Variants in DIS3L2 observed in about 807,000 individuals in gnomAD.
The protein encoded by DIS3L2 is DIS3 like 3'-5' exoribonuclease 2.
Under a neutral mutation model 97.5 loss-of-function variants are expected in DIS3L2, and 34 were observed. The observed-to-expected ratio is 0.35, with a 90% confidence interval of 0.27 to 0.46. The LOEUF (loss-of-function observed/expected upper bound fraction) is 0.46, where lower values mean the gene tolerates loss of function less well. DIS3L2 is among the 20% of genes least tolerant of loss of function. The pLI is 1.00. For synonymous variants in DIS3L2, 435 were observed against 445.2 expected (o/e 0.98, Z 0.29); for missense variants, 1,038 against 1,146.0 (o/e 0.91, Z 1.36).
At chr2:232,336,212 A>G in intron 20 of DIS3L2, 2 of 1,536,966 alleles carry the variant, frequency 1.3e-6, no homozygotes, top group South Asian at 2.4e-5. Context: ...TTTCACCAAC[A>G]GTGTGCCCTG....
chr2:232,340,860 C>T (rs1347444743), downstream of DIS3L2: 1 of 471,458 alleles, frequency 2.1e-6, no homozygotes, highest in Admixed American at 2.3e-5. Context: ...CGTGCACAGC[C>T]AGGGATTGCC....
chr2:232,032,017 A>G (rs895334997), intron 5 of DIS3L2, among the ~76,000 whole-genome samples: 2 of 152,204 alleles, frequency 1.3e-5, no homozygotes, highest in African/African-American at 4.8e-5. Context: ...TCCTTTGGGT[A>G]TATACACAGT....
chr2:232,315,838 A>G (rs1305648444), intron 14 of DIS3L2, among the ~76,000 whole-genome samples: 1 of 152,128 alleles, frequency 6.6e-6, no homozygotes, highest in East Asian at 1.9e-4. Flanking sequence ...TGAAAGCCCA[A>G]CACAGCAAGG....
At chr2:232,169,466 A>G (rs1025492432) in intron 9 of DIS3L2, among the ~76,000 whole-genome samples, 1 of 152,144 alleles carries the variant, frequency 6.6e-6, no homozygotes, top group Non-Finnish European at 1.5e-5. Context: ...ACAGCAGACA[A>G]TGGCAAGTGC....
chr2:232,246,335 A>G (rs924486933), intron 11 of DIS3L2, among the ~76,000 whole-genome samples: 5 of 152,264 alleles, frequency 3.3e-5, no homozygotes, highest in African/African-American at 1.2e-4. Context: ...AAGGTGTTCC[A>G]GAAAGAGGGA....
chr2:232,283,783 TGGC>T (rs1694356992), intron 13 of DIS3L2, among the ~76,000 whole-genome samples: 1 of 152,056 alleles, frequency 6.6e-6, no homozygotes, highest in African/African-American at 2.4e-5. Flanking sequence ...GAGCTAGGGA[TGGC>T]GGGGGGAGCA....
intron 9 of DIS3L2, among the ~76,000 whole-genome samples, chr2:232,187,576 G>A (rs754659138): frequency 4.6e-5 from 7 of 152,042 alleles, no homozygotes; most frequent in Non-Finnish European, 1.0e-4. Flanking sequence ...CCAAGTAGCT[G>A]GGACTACAGG....
At chr2:232,330,298 G>A (rs1695698113) in intron 15 of DIS3L2, among the ~76,000 whole-genome samples, 2 of 152,204 alleles carry the variant, frequency 1.3e-5, no homozygotes, top group African/African-American at 2.4e-5. Flanking sequence ...CAGAGTCGGG[G>A]CTGGAATTGT....
intron 11 of DIS3L2, among the ~76,000 whole-genome samples, chr2:232,242,323 G>A (rs908791911): frequency 2.0e-5 from 3 of 152,228 alleles, no homozygotes; most frequent in South Asian, 4.1e-4. Flanking sequence ...TATGGGCTGC[G>A]ATGGCCAATG....
intron 14 of DIS3L2, among the ~76,000 whole-genome samples, chr2:232,327,422 G>A (rs368805965): frequency 1.8e-4 from 28 of 152,240 alleles, no homozygotes; most frequent in Admixed American, 1.7e-3. Context: ...AGGATTGTCC[G>A]ACTGCATGGG....
chr2:232,342,270 T>TATGCATATATAC (rs1696127442), intron 13 of DIS3L2, among the ~76,000 whole-genome samples: 3 of 151,444 alleles, frequency 2.0e-5, no homozygotes, highest in Non-Finnish European at 2.9e-5. Flanking sequence ...CATACACATA[T>TATGCATATATAC]ACATATATAC....
In DIS3L2 at chr2:232,325,976, G is replaced by A. The variant is rs899985536; in HGVS notation, c.1740-3837G>A. 6.6e-6 allele frequency among the ~76,000 whole-genome samples: 1 copy of A among 152,106 alleles called. No homozygotes were observed. Among genetic ancestry groups the A allele is most frequent in the African/African-American group, 2.4e-5 (1 of 41,354 alleles). ...CTTCGGGGCTCCCGTGGCCCAGAGT[G>A]TGGAGCGGCTCAACCTGACCACCCA... On this transcript the variant is annotated intron_variant, in intron 14 of 20. Transcript: ENST00000325385. This position sits in a 1 kb window ranked among gnomAD's most constrained non-coding sequence, Gnocchi z 4.6.
At chr2:232,171,177 G>T (rs988712978) in intron 9 of DIS3L2, among the ~76,000 whole-genome samples, 7 of 152,134 alleles carry the variant, frequency 4.6e-5, no homozygotes, top group South Asian at 4.1e-4. Context: ...ATGGATTTTT[G>T]ACCAGATTAG....
intron 1 of DIS3L2, among the ~76,000 whole-genome samples, chr2:231,985,642 C>T (rs1483874599): frequency 1.3e-5 from 2 of 152,180 alleles, no homozygotes; most frequent in Non-Finnish European, 2.9e-5. Context: ...TTATTATTTC[C>T]TTCCTTTCTC....
intron 9 of DIS3L2, among the ~76,000 whole-genome samples, chr2:232,169,615 T>C (rs570500388): frequency 7.2e-5 from 11 of 152,182 alleles, no homozygotes; most frequent in Admixed American, 2.6e-4. Context: ...AAAGGCAGTA[T>C]GTTCCCTTCA....
intron 8 of DIS3L2, among the ~76,000 whole-genome samples, chr2:232,139,900 G>A (rs1026745584): frequency 1.3e-5 from 2 of 152,162 alleles, no homozygotes; most frequent in Admixed American, 6.5e-5. Context: ...GATTAAGAAG[G>A]TAAATTCTCC....
intron 9 of DIS3L2, among the ~76,000 whole-genome samples, chr2:232,196,579 G>C (rs1381839184): frequency 1.3e-5 from 2 of 152,064 alleles, no homozygotes; most frequent in African/African-American, 4.8e-5. Flanking sequence ...AGGATTAAAA[G>C]ACTTGACAGG....
intron 12 of DIS3L2, among the ~76,000 whole-genome samples, chr2:232,250,050 T>C (rs144776880): frequency 1.5e-4 from 23 of 152,142 alleles, no homozygotes; most frequent in African/African-American, 4.6e-4. Context: ...AGGAGAGAGA[T>C]ACATGAAAGA....
intron 14 of DIS3L2, among the ~76,000 whole-genome samples, chr2:232,314,215 T>G (rs1427377515): frequency 6.6e-6 from 1 of 152,202 alleles, no homozygotes; most frequent in Non-Finnish European, 1.5e-5. Flanking sequence ...GTGCTGTCAT[T>G]CTGTCGCCTG....
Sources: gnomAD v4.1 joint callset for allele counts (sites outside exome capture counted in the v4.1 genomes callset) on GRCh38, gnomAD v4.1.1 for gene constraint, Gnocchi (gnomAD v3.1) non-coding constraint, MANE v1.5 for transcripts, NCBI Gene and HGNC (gene_info 2026-07-23, HGNC 2026-07-21) for gene names.